MITD1: variants seen among roughly 807,000 people sequenced by gnomAD.
The protein encoded by MITD1 is microtubule interacting and trafficking domain containing 1.
A neutral mutation model predicts 34.9 loss-of-function variants in MITD1; 24 were observed. The ratio of observed to expected loss-of-function variants is 0.69; its 90% CI spans 0.50 to 0.97. The LOEUF is 0.97. Among genes scored for constraint, MITD1 ranks in the 50% least tolerant of loss-of-function variants. The pLI is 0.00. For missense variants in MITD1, 266 were observed against 294.6 expected (o/e 0.90, Z 0.71); for synonymous variants, 102 against 101.4 (o/e 1.01, Z -0.04).
chr2:99,180,738 GA>G, intron 1 of MITD1, 92 bp downstream of exon 1: 2 of 1,126,814 alleles, frequency 1.8e-6, no homozygotes, highest in Admixed American at 2.0e-5. Flanking sequence ...TCGTGGTGTG[GA>G]AAAATCATTT....
chr2:99,170,112 A>G (rs2093847309), intron 5 of MITD1, among the ~76,000 whole-genome samples: 1 of 152,244 alleles, frequency 6.6e-6, no homozygotes, highest in Non-Finnish European at 1.5e-5. Context: ...ATAACTGCAT[A>G]TTCTGTTTTC....
intron 1 of MITD1, among the ~76,000 whole-genome samples, chr2:99,177,563 A>G (rs1051503972): frequency 6.6e-6 from 1 of 152,196 alleles, no homozygotes; most frequent in Non-Finnish European, 1.5e-5. Flanking sequence ...TTGTGGTAAG[A>G]ACATTGAAAA....
intron 7 of MITD1, chr2:99,162,490 G>C: frequency 6.2e-7 from 1 of 1,614,074 alleles, no homozygotes; most frequent in Non-Finnish European, 8.5e-7. Flanking sequence ...TATCACCATT[G>C]CACTTTATTA....
chr2:99,166,801 T>C (rs1299616632), downstream of MITD1, among the ~76,000 whole-genome samples: 2 of 148,744 alleles, frequency 1.3e-5, no homozygotes, highest in Non-Finnish European at 3.0e-5. Context: ...ACCAAGTCTT[T>C]TGCTCTTAAG....
chr2:99,169,178 T>G, downstream of MITD1: 1 of 383,940 alleles, frequency 2.6e-6, no homozygotes, highest in South Asian at 4.4e-5. Context: ...CTGTATTACT[T>G]GAAAGAAACA....
At chr2:99,177,037 C>A (rs1456762496) in intron 1 of MITD1, among the ~76,000 whole-genome samples, 1 of 152,078 alleles carries the variant, frequency 6.6e-6, no homozygotes, top group African/African-American at 2.4e-5. Flanking sequence ...TTGTTTCTGT[C>A]CATCTATATA....
chr2:99,180,895 C>G lies in MITD1; in HGVS notation c.87G>C (p.Ser29=), dbSNP rs2105236430. 1 of 1,614,210 alleles carries G rather than the reference C, an allele frequency of 6.2e-7. No individual in the cohort carries two copies. The highest frequency in any genetic ancestry group is 1.3e-5 in the African/African-American group (1 of 75,070). ...LKRAVELDSE[S]RYPQALVCYQ... ...AACACACCAGAGCCTGCGGATACCG[C>G]GACTCCGAATCTAGTTCTACTGCCC... The change falls in exon 1 of 7, where the codon TCG becomes TCC. Residue 29 remains serine (S), a synonymous_variant. Coordinates refer to ENST00000289359, the MANE Select transcript of MITD1 (RefSeq NM_138798.3).
At chr2:99,173,498 A>C (rs1267213925) in intron 2 of MITD1, 3 of 470,080 alleles carry the variant, frequency 6.4e-6, no homozygotes, top group Non-Finnish European at 1.3e-5. Flanking sequence ...GAGTTTCTTT[A>C]GCTTCTTTCA....
rs2093842451 is a variant in MITD1 at position 99,169,408 on chromosome 2, G to T, written c.717C>A (p.Asp239Glu). Reference protein sequence around the residue: ...DLRPCHETTVDIFHKKHTKNI With the variant: ...DLRPCHETTVEIFHKKHTKNI ...TTTTTGTATGCTTCTTATGAAAAAT[G>T]TCTACTGTTGTTTCATGACATGGTC... is the stretch of plus-strand genomic sequence containing the variant. The change falls in exon 7 of 7, where the codon GAC becomes GAA. Residue 239 changes from aspartate to glutamate, a missense_variant. Asp to Glu is a conservative substitution (Grantham distance 45). Transcript: ENST00000289359. 8 of 1,492,836 alleles carry T rather than the reference G, an allele frequency of 5.4e-6. No individual in the cohort carries two copies. The highest frequency in any genetic ancestry group is 1.4e-5 in the African/African-American group (1 of 70,650). The allele number at this position is 1,492,836 out of a possible 1,614,324, so 92.5% of individuals were successfully genotyped here. A position where few individuals can be genotyped will look rare whatever the true frequency, so the allele number is the denominator to read the frequency against.
chr2:99,174,535 T>G (rs2093876210), intron 1 of MITD1, among the ~76,000 whole-genome samples: 1 of 152,160 alleles, frequency 6.6e-6, no homozygotes, highest in South Asian at 2.1e-4. Context: ...AATCACTTCT[T>G]GTTCCTTCCC....
chr2:99,169,779 GA>G, intron 5 of MITD1, among the ~76,000 whole-genome samples, 169 bp from the exon 6 acceptor site: 1 of 152,160 alleles, frequency 6.6e-6, no homozygotes, highest in East Asian at 1.9e-4. Flanking sequence ...TGTCCACAAT[GA>G]AAACAGTCAT....
At chr2:99,165,401 G>C (rs1005045434), downstream of MITD1, among the ~76,000 whole-genome samples, 1 of 152,082 alleles carries the variant, frequency 6.6e-6, no homozygotes, top group Non-Finnish European at 1.5e-5. Flanking sequence ...TTGGATGGAT[G>C]GGAGTATACA....
At chr2:99,174,887 G>A (rs992282061) in intron 1 of MITD1, among the ~76,000 whole-genome samples, 14 of 147,616 alleles carry the variant, frequency 9.5e-5, no homozygotes, top group African/African-American at 2.3e-4. Context: ...CACCGTGCCC[G>A]GCCCATTTTT....
chr2:99,167,810 C>G (rs2093833524), downstream of MITD1, among the ~76,000 whole-genome samples: 1 of 152,030 alleles, frequency 6.6e-6, no homozygotes, highest in Non-Finnish European at 1.5e-5. Flanking sequence ...TAGTTTGAGT[C>G]TAAAATTTTT....
exon 8 of MITD1, chr2:99,162,153 T>A: frequency 1.2e-6 from 2 of 1,614,094 alleles, no homozygotes; most frequent in Non-Finnish European, 1.7e-6. Flanking sequence ...TCTATTCTTT[T>A]GGCAGAATTC....
downstream of MITD1, among the ~76,000 whole-genome samples, chr2:99,166,486 G>GA (rs367705088): frequency 0.015 from 1,767 of 116,840 alleles, 84 homozygotes; most frequent in East Asian, 0.15. Flanking sequence ...GAGGAAATAA[G>GA]AAAAAAAAAA....
At chr2:99,175,173 A>G (rs1054951984) in intron 1 of MITD1, among the ~76,000 whole-genome samples, 1 of 150,738 alleles carries the variant, frequency 6.6e-6, no homozygotes, top group African/African-American at 2.5e-5. Context: ...CAAGTATCAG[A>G]GCTAGGAAAT....
At chr2:99,171,817 C>A in intron 2 of MITD1, 171 bp from the exon 3 acceptor site, 2 of 634,108 alleles carry the variant, frequency 3.2e-6, no homozygotes, top group East Asian at 5.8e-5. Context: ...GGATGTTACA[C>A]GTACAAAGGT....
At chr2:99,162,690 A>G (rs1333369628) in intron 7 of MITD1, 2 of 1,614,196 alleles carry the variant, frequency 1.2e-6, no homozygotes, top group African/African-American at 1.3e-5. Flanking sequence ...TGATAATCAC[A>G]TTCACCTAAT....
Sources: allele counts gnomAD v4.1 joint callset (sites outside exome capture counted in the v4.1 genomes callset), GRCh38; gene constraint gnomAD v4.1.1; transcripts MANE v1.5; gene names NCBI Gene and HGNC (gene_info 2026-07-23, HGNC 2026-07-21).